Variants in VWA7 observed in about 807,000 individuals in gnomAD.
The protein encoded by VWA7 is von Willebrand factor A domain containing 7.
Under a neutral mutation model 83.1 loss-of-function variants are expected in VWA7, and 66 were observed. That is an observed-to-expected ratio of 0.79 (90% CI 0.65 to 0.98). The LOEUF (loss-of-function observed/expected upper bound fraction) is 0.98. Among genes scored for constraint, VWA7 ranks in the 50% least tolerant of loss-of-function variants. The pLI, the probability that VWA7 is intolerant of heterozygous loss-of-function variation, is 0.00. For synonymous variants in VWA7, 424 were observed against 488.5 expected (o/e 0.87, Z 1.74); for missense variants, 1,080 against 1,160.2 (o/e 0.93, Z 1.00).
chr6:31,768,925 A>G, intron 10 of VWA7, 93 bp downstream of exon 10: 2 of 1,331,050 alleles, frequency 1.5e-6, no homozygotes, highest in Non-Finnish European at 2.0e-6. Flanking sequence ...AGAACAACAC[A>G]GCAGTGAGAG....
Position 31,775,533 on chromosome 6 carries a change from C to G in VWA7, c.514-104G>C. 1.0e-6 allele frequency: 1 copy of G among 972,262 alleles called. No individual in the cohort carries two copies. Among genetic ancestry groups the G allele is most frequent in the Non-Finnish European group, 1.5e-6 (1 of 653,744 alleles). The allele number at this position is 972,262 out of a possible 1,614,324, so 60.2% of individuals were successfully genotyped here. ...CTTTGAGTTCCCCATCCCGAAAGTC[C>G]CCTCCCACCCCTACTGCTCCCACCA... On this transcript the variant is annotated intron_variant, in intron 3 of 16. Transcript: ENST00000375688. The surrounding 1 kb of genome is among the most constrained non-coding windows in gnomAD (Gnocchi z 5.9).
chr6:31,773,209 C>T lies in VWA7; in HGVS notation c.917+33G>A. On this transcript the variant is annotated intron_variant, in intron 6 of 16. Coordinates refer to ENST00000375688, the MANE Select transcript of VWA7 (RefSeq NM_025258.3). This position sits in a 1 kb window ranked among gnomAD's most constrained non-coding sequence, Gnocchi z 5.3. ...CTCCCTTCCCGCAGGAGCGCCTCCC[C>T]ATGAAGGGGTCCATCCCCAGGAGGC... 6.3e-7 allele frequency: 1 copy of T among 1,592,132 alleles called. No individual in the cohort carries two copies. Among genetic ancestry groups the T allele is most frequent in the Non-Finnish European group, 8.5e-7 (1 of 1,169,912 alleles).
Position 31,776,208 on chromosome 6 carries a change from G to A in VWA7, c.269C>T (p.Ala90Val). The A allele has an allele frequency of 1.2e-6, 2 of 1,614,046 alleles. No individual in the cohort carries two copies. The highest frequency in any genetic ancestry group is 8.5e-7 in the Non-Finnish European group (1 of 1,180,018). Residue 90 changes from alanine (A) to valine (V), a missense_variant, in exon 3 of 17, where the codon GCC becomes GTC. Physicochemically the swap from Ala to Val is moderately conservative, Grantham distance 64. Coordinates refer to ENST00000375688, the MANE Select transcript of VWA7 (RefSeq NM_025258.3). This position sits in a 1 kb window ranked among gnomAD's most constrained non-coding sequence, Gnocchi z 6.2. Reference protein sequence around the residue: ...RTLLADDLFAAYFGPGSSRRF... With the variant: ...RTLLADDLFAVYFGPGSSRRF... Reference sequence around the variant, plus strand: ...CCGAGAAGAACCAGGTCCAAAGTAGGCGGCAAAGAGGTCATCAGCAAGGAG... The same window carrying A: ...CCGAGAAGAACCAGGTCCAAAGTAGACGGCAAAGAGGTCATCAGCAAGGAG...
In VWA7 at chr6:31,770,029, T is replaced by C. The variant is rs755553639; in HGVS notation, c.1172A>G (p.Glu391Gly). ...NEIHALGGGD[E>G]PEMCLSALQL... is the part of the protein sequence containing the mutation. Reference sequence around the variant, plus strand: ...CAGGGCTGACAGGCACATCTCAGGCTCGTCTCCACCCCCCAAGGCATGGAT... The same window carrying C: ...CAGGGCTGACAGGCACATCTCAGGCCCGTCTCCACCCCCCAAGGCATGGAT... Residue 391 changes from glutamate to glycine, a missense_variant, in exon 8 of 17, where the codon GAG (glutamate) becomes GGG (glycine). Coordinates refer to ENST00000375688, the MANE Select transcript of VWA7 (RefSeq NM_025258.3). 1 of 1,612,730 alleles carries C rather than the reference T, an allele frequency of 6.2e-7. No homozygotes were observed.
At chr6:31,767,546 C>T in intron 11 of VWA7, 32 bp from the exon 12 acceptor site, 1 of 1,600,502 alleles carries the variant, frequency 6.2e-7, no homozygotes, top group Non-Finnish European at 8.6e-7. Context: ...TCACATGAAG[C>T]ACTTGCTCTC....
Position 31,776,592 on chromosome 6 carries a change from TC to T in VWA7, c.187del (p.Glu63SerfsTer42). The T allele has an allele frequency of 6.5e-7, 1 of 1,548,130 alleles. No homozygotes were observed. ...ALNVTLQLFL[E>X]QPPPGRPPLR... ...AGGGGGGCGGCCTGGGGGTGGCTGCTCCAGGAAGAGCTGCAGGGTGACGTTG... is the reference window on the plus strand; with the variant it reads ...AGGGGGGCGGCCTGGGGGTGGCTGCTCAGGAAGAGCTGCAGGGTGACGTTG... On this transcript the variant is annotated frameshift_variant, in exon 2 of 17. Transcript: ENST00000375688. LOFTEE classifies it high-confidence loss of function. The surrounding 1 kb of genome is among the most constrained non-coding windows in gnomAD (Gnocchi z 6.2).
intron 10 of VWA7, among the ~76,000 whole-genome samples, chr6:31,768,648 G>A (rs1164839286): frequency 6.6e-6 from 1 of 152,028 alleles, no homozygotes; most frequent in Non-Finnish European, 1.5e-5. Flanking sequence ...AAACCAGCCT[G>A]GCCAAAAAAA....
chr6:31,776,888 A>G lies in VWA7; in HGVS notation c.-15-94T>C. On this transcript the variant is annotated intron_variant, in intron 1 of 16. Coordinates refer to ENST00000375688, the MANE Select transcript of VWA7 (RefSeq NM_025258.3). This position sits in a 1 kb window ranked among gnomAD's most constrained non-coding sequence, Gnocchi z 6.2. ...TCTCCATGGGAACCTGCTTTACCTC[A>G]AAAGTCGTGTCTGCTCCAGCCTGGC... is the stretch of plus-strand genomic sequence containing the variant. 1.4e-6 allele frequency: 1 copy of G among 690,700 alleles called. No individual in the cohort carries two copies. The highest frequency in any genetic ancestry group is 2.2e-6 in the Non-Finnish European group (1 of 454,420). The allele number at this position is 690,700 out of a possible 1,614,324, so 42.8% of individuals were successfully genotyped here.
chr6:31,770,270 G>T (rs758738645), intron 7 of VWA7, among the ~76,000 whole-genome samples, 157 bp from the exon 8 acceptor site: 3 of 151,938 alleles, frequency 2.0e-5, no homozygotes, highest in Non-Finnish European at 4.4e-5. Context: ...GGCCGGGTGC[G>T]GTGGCTCACA....
Position 31,776,068 on chromosome 6 carries a change from G to A in VWA7, c.409C>T (p.Arg137Cys), listed in dbSNP as rs201737214. 37 of 1,613,846 alleles carry A rather than the reference G, an allele frequency of 2.3e-5. No individual in the cohort carries two copies. Among genetic ancestry groups the A allele is most frequent in the East Asian group, 1.8e-4 (8 of 44,882 alleles). The change falls in exon 3 of 17, where the codon CGC becomes TGC. Residue 137 changes from arginine (R) to cysteine (C), a missense_variant. Coordinates refer to ENST00000375688, the MANE Select transcript of VWA7 (RefSeq NM_025258.3). This position sits in a 1 kb window ranked among gnomAD's most constrained non-coding sequence, Gnocchi z 6.2. ...HFDAERLGQGRARLVGALRET... is the reference protein window; with the variant it reads ...HFDAERLGQGCARLVGALRET... ...CGCAGAGCCCCTACCAGGCGCGCGCGTCCCTGACCCAGTCGCTCAGCATCA... is the reference window on the plus strand; with the variant it reads ...CGCAGAGCCCCTACCAGGCGCGCGCATCCCTGACCCAGTCGCTCAGCATCA...
chr6:31,774,959 A>C (rs1812550683), intron 4 of VWA7, among the ~76,000 whole-genome samples: 1 of 152,136 alleles, frequency 6.6e-6, no homozygotes, highest in Non-Finnish European at 1.5e-5. Context: ...ATAAATAATA[A>C]GAAAAAAACA....
At position 31,774,619 on chromosome 6, in the gene VWA7, A is replaced by C; in HGVS notation, c.618T>G (p.Asp206Glu). ...QELQNLAQVA[D>E]PTCSDCEELS... ...ACTCCTCGCAATCGGAGCAGGTAGG[A>C]TCGGCCACTGGGAAGAGAGGGCAGG... The change falls in exon 5 of 17, where the codon GAT (aspartate) becomes GAG (glutamate). Residue 206 changes from aspartate (D) to glutamate (E), a missense_variant. Physicochemically the swap from Asp to Glu is conservative, Grantham distance 45. Transcript: ENST00000375688. 6.2e-7 allele frequency: 1 copy of C among 1,611,686 alleles called. No homozygotes were observed. Among genetic ancestry groups the C allele is most frequent in the Non-Finnish European group, 8.5e-7 (1 of 1,179,442 alleles).
At position 31,773,334 on chromosome 6, in the gene VWA7, C is replaced by T; in HGVS notation, c.825G>A (p.Met275Ile). 1 of 1,608,696 alleles carries T rather than the reference C, an allele frequency of 6.2e-7. No individual in the cohort carries two copies. The highest frequency in any genetic ancestry group is 8.5e-7 in the Non-Finnish European group (1 of 1,177,790). Reference protein sequence around the residue: ...STSPGFSPHHMLHLQAAKLAL... With the variant: ...STSPGFSPHHILHLQAAKLAL... ...CCAGTTTTGCAGCCTGGAGGTGCAGCATGTGGTGAGGGGAGAAGCCTGGGG... is the reference window on the plus strand; with the variant it reads ...CCAGTTTTGCAGCCTGGAGGTGCAGTATGTGGTGAGGGGAGAAGCCTGGGG... The change falls in exon 6 of 17, where the codon ATG becomes ATA. Residue 275 changes from methionine to isoleucine, a missense_variant. By Grantham distance (10) the Met-to-Ile change is conservative. Transcript: ENST00000375688. The surrounding 1 kb of genome is among the most constrained non-coding windows in gnomAD (Gnocchi z 5.3).
rs140640408 is a variant in VWA7 at position 31,765,936 on chromosome 6, C to T, written c.2446G>A (p.Val816Ile). 6.4e-5 allele frequency: 103 copies of T among 1,612,978 alleles called. No individual in the cohort carries two copies. The highest frequency in any genetic ancestry group is 8.3e-5 in the Non-Finnish European group (98 of 1,180,044). The change falls in exon 16 of 17, where the codon GTA becomes ATA. Residue 816 changes from valine to isoleucine, a missense_variant. By Grantham distance (29) the Val-to-Ile change is conservative (BLOSUM62 3). Transcript: ENST00000375688. The part of the protein sequence containing the change: ...VTAGGREANP[V>I]PPTHAFLRLL... ...CGGAGGAAAGCATGAGTCGGGGGTACTGGGTTGGCTTCTCGTCCCCCTGCA... is the reference window on the plus strand; with the variant it reads ...CGGAGGAAAGCATGAGTCGGGGGTATTGGGTTGGCTTCTCGTCCCCCTGCA...
rs550768283 is a variant in VWA7 at position 31,768,486 on chromosome 6, T to G, written c.1503+532A>C. 6.6e-5 allele frequency among the ~76,000 whole-genome samples: 10 copies of G among 152,210 alleles called. No homozygotes were observed. In the South Asian group the frequency reaches 1.7e-3, roughly 25 times the overall value. ...TCCCCAAAAAGATGGTAGGACTTCC[T>G]GTGGTAACCCTGGAGGCAGAATACT... On this transcript the variant is annotated intron_variant, in intron 10 of 16. Transcript: ENST00000375688.
At position 31,769,389 on chromosome 6, in the gene VWA7, C is replaced by A. The variant is rs527661076; in HGVS notation, c.1318-186G>T. 1.3e-5 allele frequency among the ~76,000 whole-genome samples: 2 copies of A among 152,320 alleles called. No homozygotes were observed. Among genetic ancestry groups the A allele is most frequent in the South Asian group, 2.1e-4 (1 of 4,824 alleles). On this transcript the variant is annotated intron_variant, in intron 9 of 16. Transcript: ENST00000375688. This position sits in a 1 kb window ranked among gnomAD's most constrained non-coding sequence, Gnocchi z 4.5. The stretch of plus-strand genomic sequence containing the variant: ...CCTGCCTTCAGTTAGTAGTTGGCCA[C>A]CCCCTTGTAACTGTCACAGTGGATT...
rs573734505 is a variant in VWA7 at position 31,775,837 on chromosome 6, G to A, written c.513+127C>T. 21 of 1,433,578 alleles carry A rather than the reference G, an allele frequency of 1.5e-5. No individual in the cohort carries two copies. The Admixed American group carries it at 1.6e-4, about 11-fold the overall frequency. 88.8% of individuals were successfully genotyped at this position (1,433,578 alleles called of 1,614,324 possible). A position where few individuals can be genotyped will look rare whatever the true frequency, so the allele number is the denominator to read the frequency against. ...AACTGGGACACAGCCTCGGGGCACC[G>A]CGTGCCAGTGCCCACCCCTTCCAGA... is the stretch of plus-strand genomic sequence containing the variant. On this transcript the variant is annotated intron_variant, in intron 3 of 16. Coordinates refer to ENST00000375688, the MANE Select transcript of VWA7 (RefSeq NM_025258.3). The surrounding 1 kb of genome is among the most constrained non-coding windows in gnomAD (Gnocchi z 5.9).
Position 31,766,634 on chromosome 6 carries a change from G to C in VWA7, c.2013C>G (p.Pro671=). 6.2e-7 allele frequency: 1 copy of C among 1,613,080 alleles called. No individual in the cohort carries two copies. Among genetic ancestry groups the C allele is most frequent in the Non-Finnish European group, 8.5e-7 (1 of 1,180,022 alleles). The part of the protein sequence containing the change: ...VPEGAELGQV[P]LEPVGPPERG... ...GCTCCGGAGGTCCCACGGGCTCCAA[G>C]GGCACCTGGCCTAGTTCGGCACCCT... is the stretch of plus-strand genomic sequence containing the variant. The change falls in exon 14 of 17, where the codon CCC becomes CCG. Residue 671 remains proline (P), a synonymous_variant. Transcript: ENST00000375688. This position sits in a 1 kb window ranked among gnomAD's most constrained non-coding sequence, Gnocchi z 4.9.
In VWA7 at chr6:31,774,606, C is replaced by T. The variant is rs34174627; in HGVS notation, c.631G>A (p.Asp211Asn). ...LAQVADPTCS[D>N]CEELSCPRNW... ...CTGGGGCAGCTCAACTCCTCGCAAT[C>T]GGAGCAGGTAGGATCGGCCACTGGG... The change falls in exon 5 of 17, where the codon GAT (aspartate) becomes AAT (asparagine). Residue 211 changes from aspartate (D) to asparagine (N), a missense_variant. Physicochemically the swap from Asp to Asn is conservative, Grantham distance 23. Transcript: ENST00000375688. 250 of 1,612,592 alleles carry T rather than the reference C, an allele frequency of 1.6e-4. 3 individuals carry two copies. The highest frequency in any genetic ancestry group is 1.5e-3 in the Admixed American group (89 of 59,978).
Sources: allele counts gnomAD v4.1 joint callset (sites outside exome capture counted in the v4.1 genomes callset), GRCh38; gene constraint gnomAD v4.1.1; non-coding constraint Gnocchi (gnomAD v3.1); transcripts MANE v1.5; gene names NCBI Gene and HGNC (gene_info 2026-07-23, HGNC 2026-07-21).